Variants in ZNF547 observed in about 807,000 individuals in gnomAD.
The protein encoded by ZNF547 is zinc finger protein 547.
A neutral mutation model predicts 7.7 loss-of-function variants in ZNF547; 4 were observed. The observed-to-expected ratio is 0.52, with a 90% CI of 0.26 to 1.20. The LOEUF is 1.20. Ranked by LOEUF, ZNF547 falls within the 50% of genes most tolerant of loss-of-function variation. ZNF547 has a pLI of 0.14. For synonymous variants in ZNF547, 166 were observed against 166.2 expected, an observed-to-expected ratio of 1.00 and a Z score of 0.01; for missense variants, 449 against 485.8, an observed-to-expected ratio of 0.92 and a Z score of 0.71.
chr19:57,371,934 T>G, intron 3 of ZNF547, 26 bp downstream of exon 3: 1 of 1,568,310 alleles, frequency 6.4e-7, no homozygotes, highest in Non-Finnish European at 8.6e-7. Flanking sequence ...TTGCCCAGTG[T>G]CCTGGGTTGG....
intron 3 of ZNF547, among the ~76,000 whole-genome samples, 154 bp downstream of exon 3, chr19:57,372,062 G>A (rs2088508603): frequency 6.6e-6 from 1 of 151,484 alleles, no homozygotes; most frequent in African/African-American, 2.4e-5. Context: ...ACTGCAATAT[G>A]TGCTGTGTGC....
chr19:57,364,466 G>GCATTAAAAA, intron 1 of ZNF547: 6 of 242,398 alleles, frequency 2.5e-5, no homozygotes, highest in Non-Finnish European at 4.1e-5. Context: ...AGGGTGGCCG[G>GCATTAAAAA]GCGTGGTGGC....
At chr19:57,366,956 T>A (rs1224210737) in intron 1 of ZNF547, among the ~76,000 whole-genome samples, 1 of 152,222 alleles carries the variant, frequency 6.6e-6, no homozygotes, top group East Asian at 1.9e-4. Flanking sequence ...GGAATAGTGA[T>A]CTTGCTATAA....
At chr19:57,365,350 C>G in intron 1 of ZNF547, 2 of 885,212 alleles carry the variant, frequency 2.3e-6, no homozygotes, top group Non-Finnish European at 3.5e-6. Flanking sequence ...GCCTGGAAAT[C>G]TTTTGTGTAT....
chr19:57,369,857 T>C (rs2088492962), intron 2 of ZNF547, among the ~76,000 whole-genome samples: 1 of 150,842 alleles, frequency 6.6e-6, no homozygotes, highest in Non-Finnish European at 1.5e-5. Flanking sequence ...TACCTGAGAC[T>C]GGGTACTTTA....
chr19:57,369,874 AAAG>A (rs1176892474), intron 2 of ZNF547, among the ~76,000 whole-genome samples: 1 of 139,106 alleles, frequency 7.2e-6, no homozygotes, highest in Admixed American at 7.4e-5. Context: ...TTTATGAAGA[AAAG>A]AAGTTTAATT....
chr19:57,375,661 CAAAAAAAAAAAA>C lies in ZNF547; in HGVS notation c.152-1452_152-1441del, dbSNP rs67290425. Among the ~76,000 whole-genome samples, 19 of 91,552 alleles carry C rather than the reference CAAAAAAAAAAAA, an allele frequency of 2.1e-4. No individual in the cohort carries two copies. In the East Asian group the frequency reaches 2.1e-3, roughly 10 times the overall value. The allele number at this position is 91,552 out of a possible 152,430, so 60.1% of individuals were successfully genotyped here. Reference sequence around the variant, plus strand: ...TCGGGGAAAGAATGAGAGTTTGTCTCAAAAAAAAAAAAAAAAAAAAAAAAAAGACATACCCGA... The same window carrying C: ...TCGGGGAAAGAATGAGAGTTTGTCTCAAAAAAAAAAAAAAGACATACCCGA... On this transcript the variant is annotated intron_variant, in intron 3 of 3. Transcript: ENST00000282282.
intron 3 of ZNF547, among the ~76,000 whole-genome samples, chr19:57,375,661 CAAAAAAAAA>C (rs67290425): frequency 3.0e-4 from 27 of 91,500 alleles, no homozygotes; most frequent in Middle Eastern, 6.6e-3. Context: ...GAGTTTGTCT[CAAAAAAAAA>C]AAAAAAAAAA....
chr19:57,377,061 T>G, intron 3 of ZNF547, 67 bp from the exon 4 acceptor site: 1 of 1,467,192 alleles, frequency 6.8e-7, no homozygotes, highest in Non-Finnish European at 9.3e-7. Context: ...CTGACTGACA[T>G]TTGTGATGGG....
At chr19:57,371,722 GAACTT>G (rs750350049) in intron 2 of ZNF547, 55 bp from the exon 3 acceptor site, 2 of 1,554,950 alleles carry the variant, frequency 1.3e-6, no homozygotes, top group Middle Eastern at 1.7e-4. Context: ...AATAAATAGA[GAACTT>G]AAGTAAATAC....
intron 2 of ZNF547, 115 bp downstream of exon 2, chr19:57,368,694 T>C: frequency 4.9e-6 from 5 of 1,012,864 alleles, no homozygotes; most frequent in Non-Finnish European, 7.6e-6. Context: ...CTCCCTCTCT[T>C]ATGTCTGAAA....
At chr19:57,367,857 T>C (rs2088480452) in intron 1 of ZNF547, among the ~76,000 whole-genome samples, 1 of 152,236 alleles carries the variant, frequency 6.6e-6, no homozygotes, top group Non-Finnish European at 1.5e-5. Context: ...TTGGATGATC[T>C]ACTGCCCCAG....
Position 57,378,874 on chromosome 19 carries a change from C to A in ZNF547, c.*689C>A. 3.3e-6 allele frequency: 1 copy of A among 304,086 alleles called. No individual in the cohort carries two copies. The highest frequency in any genetic ancestry group is 6.5e-6 in the Non-Finnish European group (1 of 153,474). 18.8% of individuals were successfully genotyped at this position (304,086 alleles called of 1,614,324 possible). A position where few individuals can be genotyped will look rare whatever the true frequency, so the allele number is the denominator to read the frequency against. ...CATTCCCACATTCTTCAGTCCCTGG[C>A]GACCACCATATTTTTAAGTCATTAT... On this transcript the variant is annotated 3_prime_UTR_variant, in exon 4 of 4. Transcript: ENST00000282282.
At chr19:57,365,294 G>A in intron 1 of ZNF547, 1 of 1,344,218 alleles carries the variant, frequency 7.4e-7, no homozygotes, top group South Asian at 1.3e-5. Context: ...TCACCACAAT[G>A]GTGTATACTC....
chr19:57,375,074 G>A (rs1221339223), intron 3 of ZNF547, among the ~76,000 whole-genome samples: 1 of 152,152 alleles, frequency 6.6e-6, no homozygotes, highest in Non-Finnish European at 1.5e-5. Context: ...ACCCTGGCTG[G>A]GCACAGTGGC....
intron 2 of ZNF547, 87 bp downstream of exon 2, chr19:57,368,666 G>A: frequency 7.6e-7 from 1 of 1,313,522 alleles, no homozygotes. Context: ...GGTGTCCAGA[G>A]ACTCTCTTTC....
At position 57,378,443 on chromosome 19, in the gene ZNF547, A is replaced by C. The variant is rs1461675573; in HGVS notation, c.*258A>C. ...ACACTGAAGAAGAGTCTTTTCAATA[A>C]AGTAGAAAGTGGTAAAGATTCAACA... is the stretch of plus-strand genomic sequence containing the variant. On this transcript the variant is annotated 3_prime_UTR_variant, in exon 4 of 4. Transcript: ENST00000282282. 2 of 647,240 alleles carry C rather than the reference A, an allele frequency of 3.1e-6. No individual in the cohort carries two copies. Among genetic ancestry groups the C allele is most frequent in the Non-Finnish European group, 5.8e-6 (2 of 347,450 alleles). 40.1% of individuals were successfully genotyped at this position (647,240 alleles called of 1,614,324 possible).
chr19:57,369,899 CTTTTTT>C (rs61547238), intron 2 of ZNF547, among the ~76,000 whole-genome samples: 72 of 51,678 alleles, frequency 1.4e-3, no homozygotes, highest in African/African-American at 4.7e-3. Context: ...ACTCACAGTT[CTTTTTT>C]TTTTTTTTTT....
chr19:57,368,674 T>C (rs2088486207), intron 2 of ZNF547, 95 bp downstream of exon 2: 4 of 1,184,634 alleles, frequency 3.4e-6, no homozygotes, highest in African/African-American at 1.5e-5. Flanking sequence ...GAGACTCTCT[T>C]TCTGTCTTTC....
Sources: allele counts gnomAD v4.1 joint callset (sites outside exome capture counted in the v4.1 genomes callset), GRCh38; gene constraint gnomAD v4.1.1; transcripts MANE v1.5; gene names NCBI Gene and HGNC (gene_info 2026-07-23, HGNC 2026-07-21).